The following CCDC192 variants were observed in gnomAD, a reference collection of about 807,000 sequenced individuals.
CCDC192 encodes the protein coiled-coil domain-containing protein 192.
At chr5:127,817,095 G>T (rs1749059074) in intron 5 of CCDC192, among the ~76,000 whole-genome samples, 1 of 152,170 alleles carries the variant, frequency 6.6e-6, no homozygotes, top group Non-Finnish European at 1.5e-5. Context: ...TGCTGTGATA[G>T]TCTTTCTTTT....
chr5:127,902,358 T>C (rs1292238235), intron 6 of CCDC192, among the ~76,000 whole-genome samples: 3 of 151,938 alleles, frequency 2.0e-5, no homozygotes, highest in Non-Finnish European at 2.9e-5. Flanking sequence ...TAAAAGTTTT[T>C]TTTTTTTTCC....
chr5:127,832,298 C>G (rs1008467492), intron 5 of CCDC192, among the ~76,000 whole-genome samples: 2 of 152,134 alleles, frequency 1.3e-5, no homozygotes, highest in African/African-American at 2.4e-5. Flanking sequence ...TAAGAGTTTA[C>G]ACTGGCGGAA....
chr5:127,865,236 A>T (rs1368672527), intron 5 of CCDC192, among the ~76,000 whole-genome samples: 1 of 152,228 alleles, frequency 6.6e-6, no homozygotes, highest in Non-Finnish European at 1.5e-5. Flanking sequence ...ATGAACAAAA[A>T]GCTTCTCTAA....
At chr5:127,710,204 G>GA (rs949718828) in intron 2 of CCDC192, among the ~76,000 whole-genome samples, 2 of 152,126 alleles carry the variant, frequency 1.3e-5, no homozygotes, top group African/African-American at 4.8e-5. Flanking sequence ...AAGTGGTGGG[G>GA]ATATCCATGA....
chr5:127,706,525 GAAAAAA>G (rs1224118510), intron 1 of CCDC192, among the ~76,000 whole-genome samples: 1 of 60,276 alleles, frequency 1.7e-5, no homozygotes, highest in South Asian at 7.3e-4. Flanking sequence ...CTCCATCTCA[GAAAAAA>G]AAAAAAAAAA....
intron 5 of CCDC192, among the ~76,000 whole-genome samples, chr5:127,874,755 G>A (rs987051564): frequency 2.0e-5 from 3 of 152,148 alleles, no homozygotes; most frequent in Admixed American, 1.3e-4. Flanking sequence ...ACACGAAAGC[G>A]CAAATGCAAC....
In CCDC192 at chr5:127,909,586, T is replaced by C. The variant is rs111798643; in HGVS notation, c.536-31596T>C. ...ATACAATAGTTCCAATATCAACAGC[T>C]GTAAAGTGACACAATTCATTCATTG... On this transcript the variant is annotated intron_variant, in intron 6 of 6. Coordinates refer to ENST00000514853, the MANE Select transcript of CCDC192 (RefSeq NM_001317938.2). 5.0e-4 allele frequency among the ~76,000 whole-genome samples: 76 copies of C among 152,210 alleles called. 3 individuals are homozygous for C. The highest frequency in any genetic ancestry group is 1.7e-3 in the African/African-American group (72 of 41,536).
chr5:127,726,288 G>A (rs931750554), intron 2 of CCDC192, among the ~76,000 whole-genome samples: 2 of 152,178 alleles, frequency 1.3e-5, no homozygotes, highest in Admixed American at 6.5e-5. Context: ...ATTGAGTCCA[G>A]TGAACTCCTA....
In CCDC192 at chr5:127,743,141, C is replaced by T. The variant is rs560084563; in HGVS notation, c.115-11127C>T. Among the ~76,000 whole-genome samples, 9 of 152,110 alleles carry T rather than the reference C, an allele frequency of 5.9e-5. No homozygotes were observed. In the South Asian group the frequency reaches 1.5e-3, roughly 25 times the overall value. On this transcript the variant is annotated intron_variant, in intron 2 of 6. Coordinates refer to ENST00000514853, the MANE Select transcript of CCDC192 (RefSeq NM_001317938.2). Reference sequence around the variant, plus strand: ...AGAGAGAAGGTCAGGCTATTTACTCCGCTGGTTCATTTCCCCTCCCCGCTT... The same window carrying T: ...AGAGAGAAGGTCAGGCTATTTACTCTGCTGGTTCATTTCCCCTCCCCGCTT...
At chr5:127,874,748 C>T (rs879372218) in intron 5 of CCDC192, among the ~76,000 whole-genome samples, 3 of 152,288 alleles carry the variant, frequency 2.0e-5, no homozygotes, top group African/African-American at 4.8e-5. Context: ...AAAAGCAACA[C>T]GAAAGCGCAA....
At chr5:127,805,297 A>G (rs2126987350) in intron 5 of CCDC192, among the ~76,000 whole-genome samples, 2 of 152,296 alleles carry the variant, frequency 1.3e-5, no homozygotes, top group East Asian at 3.9e-4. Flanking sequence ...TGATCAGCAG[A>G]AGAAAGTGAG....
chr5:127,780,005 TA>T (rs1219232394), intron 3 of CCDC192, among the ~76,000 whole-genome samples: 1 of 152,174 alleles, frequency 6.6e-6, no homozygotes, highest in Non-Finnish European at 1.5e-5. Context: ...ATTTCTGAGT[TA>T]TTCACTTAGA....
chr5:127,784,686 A>C, intron 3 of CCDC192: 1 of 693,004 alleles, frequency 1.4e-6, no homozygotes, highest in Non-Finnish European at 2.5e-6. Flanking sequence ...TTAGAATGTC[A>C]ATGCATTTCT....
At chr5:127,707,412 T>TA (rs1189430426) in intron 1 of CCDC192, among the ~76,000 whole-genome samples, 1 of 151,716 alleles carries the variant, frequency 6.6e-6, no homozygotes. Flanking sequence ...CCCACTTTTT[T>TA]TTTTTTAGTT....
intron 3 of CCDC192, chr5:127,784,605 C>A (rs1756429180): frequency 1.6e-6 from 1 of 606,690 alleles, no homozygotes; most frequent in South Asian, 1.5e-5. Flanking sequence ...TCAGACCCTT[C>A]CTGGAGGGTT....
intron 5 of CCDC192, among the ~76,000 whole-genome samples, chr5:127,808,796 G>A (rs1424232938): frequency 6.6e-6 from 1 of 152,058 alleles, no homozygotes; most frequent in Non-Finnish European, 1.5e-5. Flanking sequence ...AGTTCCCCAG[G>A]TTCTGGGACT....
intron 5 of CCDC192, among the ~76,000 whole-genome samples, chr5:127,815,437 G>A (rs1391707399): frequency 6.6e-6 from 1 of 152,048 alleles, no homozygotes; most frequent in East Asian, 1.9e-4. Context: ...GGGGATGATA[G>A]GGGGTGGGGA....
chr5:127,717,931 A>G (rs78561075), intron 2 of CCDC192, among the ~76,000 whole-genome samples: 1 of 132,924 alleles, frequency 7.5e-6, no homozygotes. Flanking sequence ...AGCTAGACAA[A>G]AAAAAAAAAA....
intron 3 of CCDC192, among the ~76,000 whole-genome samples, chr5:127,791,335 G>A (rs1244266433): frequency 6.6e-6 from 1 of 152,130 alleles, no homozygotes; most frequent in Non-Finnish European, 1.5e-5. Context: ...GTACCATATT[G>A]TTGCAGTCAA....
Sources: gnomAD v4.1 joint callset for allele counts (sites outside exome capture counted in the v4.1 genomes callset) on GRCh38, gnomAD v4.1.1 for gene constraint, MANE v1.5 for transcripts, NCBI Gene and HGNC (gene_info 2026-07-23, HGNC 2026-07-21) for gene names.